The following SDC4 variants were observed in gnomAD, a reference collection of about 807,000 sequenced individuals.
SDC4 encodes syndecan-4.
A neutral mutation model predicts 20.5 loss-of-function variants in SDC4; 17 were observed. That is an observed-to-expected ratio of 0.83 (90% CI 0.57 to 1.25). The LOEUF is 1.25. Among genes scored for constraint, SDC4 ranks in the 50% most tolerant of loss-of-function variants. SDC4 has a pLI of 0.00. For missense variants in SDC4, 241 were observed against 252.3 expected (o/e 0.96, Z 0.30); for synonymous variants, 107 against 105.3 (o/e 1.02, Z -0.10).
At chr20:45,342,379 C>T (rs1256884941) in intron 1 of SDC4, among the ~76,000 whole-genome samples, 2 of 152,228 alleles carry the variant, frequency 1.3e-5, no homozygotes, top group Admixed American at 1.3e-4. Context: ...CAGCCATGTG[C>T]CACATCTGCC....
Position 45,327,254 on chromosome 20 carries a change from C to T in SDC4, c.*10G>A. 1 of 1,614,064 alleles carries T rather than the reference C, an allele frequency of 6.2e-7. No individual in the cohort carries two copies. The highest frequency in any genetic ancestry group is 2.2e-5 in the East Asian group (1 of 44,868). ...CCGCTAAAGTCCAAGCCAGTGCCCA[C>T]AAGCAAGCTTCACGCGTAGAACTCA... On this transcript the variant is annotated 3_prime_UTR_variant, in exon 5 of 5. Transcript: ENST00000372733.
At chr20:45,335,651 AGAAG>A in intron 2 of SDC4, 127 bp downstream of exon 2, 1 of 924,362 alleles carries the variant, frequency 1.1e-6, no homozygotes, top group South Asian at 1.6e-5. Flanking sequence ...CCTTTTTTTG[AGAAG>A]GAAGAAGGGC....
chr20:45,329,114 AC>A (rs1222370005), intron 4 of SDC4, among the ~76,000 whole-genome samples: 1 of 152,224 alleles, frequency 6.6e-6, no homozygotes, highest in Admixed American at 6.5e-5. Context: ...CATACAGCAT[AC>A]AGCAAGCATT....
intron 1 of SDC4, among the ~76,000 whole-genome samples, chr20:45,343,554 T>C (rs1987986040): frequency 6.6e-6 from 1 of 152,232 alleles, no homozygotes; most frequent in Non-Finnish European, 1.5e-5. Context: ...GAACTGGTTC[T>C]TGTTTAAACA....
chr20:45,337,719 G>A (rs1174566780), intron 1 of SDC4, among the ~76,000 whole-genome samples: 1 of 152,220 alleles, frequency 6.6e-6, no homozygotes, highest in East Asian at 1.9e-4. Flanking sequence ...TCTGGGGAGA[G>A]GCAGGTGGAA....
intron 1 of SDC4, among the ~76,000 whole-genome samples, chr20:45,347,426 G>A (rs930021956): frequency 2.0e-5 from 3 of 152,046 alleles, no homozygotes; most frequent in Admixed American, 6.6e-5. Flanking sequence ...AGCCGGCTGC[G>A]GGCATGGATA....
chr20:45,346,881 T>TA (rs1256050438), intron 1 of SDC4, among the ~76,000 whole-genome samples: 1 of 152,134 alleles, frequency 6.6e-6, no homozygotes, highest in African/African-American at 2.4e-5. Flanking sequence ...GCACAAAGAG[T>TA]AGAAGTTAAG....
chr20:45,328,905 C>T (rs1030061402), intron 4 of SDC4, among the ~76,000 whole-genome samples: 10 of 152,314 alleles, frequency 6.6e-5, no homozygotes, highest in African/African-American at 2.4e-4. Flanking sequence ...TCACCTTTCC[C>T]TCTGATGACC....
intron 1 of SDC4, among the ~76,000 whole-genome samples, chr20:45,340,383 A>C (rs567400269): frequency 2.8e-4 from 43 of 152,352 alleles, no homozygotes; most frequent in Admixed American, 8.5e-4. Flanking sequence ...AACGTCATGC[A>C]ACTAGAAAGC....
At chr20:45,338,839 G>A (rs1005848634) in intron 1 of SDC4, among the ~76,000 whole-genome samples, 1 of 152,144 alleles carries the variant, frequency 6.6e-6, no homozygotes. Context: ...TCCGCGGCAC[G>A]GCCTGGATTC....
chr20:45,330,592 C>G, intron 3 of SDC4, 28 bp from the exon 4 acceptor site: 1 of 1,603,358 alleles, frequency 6.2e-7, no homozygotes, highest in Non-Finnish European at 8.5e-7. Context: ...AGAAGAGACA[C>G]TCAGCGTATT....
chr20:45,348,229 C>A, intron 1 of SDC4, 96 bp downstream of exon 1: 1 of 989,854 alleles, frequency 1.0e-6, no homozygotes, highest in South Asian at 1.4e-5. Context: ...AGCGTACCCC[C>A]GATCTGCCCC....
At chr20:45,328,487 T>C (rs538793600) in intron 4 of SDC4, among the ~76,000 whole-genome samples, 38 of 152,290 alleles carry the variant, frequency 2.5e-4, no homozygotes, top group African/African-American at 9.1e-4. Flanking sequence ...CTGAATCAGG[T>C]GTGCACAACA....
chr20:45,331,264 C>G lies in SDC4; in HGVS notation c.247-700G>C, dbSNP rs541686810. ...TTATGAATGGCCCTCACCATACTGG[C>G]CCTTTCTGACTGAACCCCTCTCTAC... On this transcript the variant is annotated intron_variant, in intron 3 of 4. Transcript: ENST00000372733. Among the ~76,000 whole-genome samples, 6 of 152,248 alleles carry G rather than the reference C, an allele frequency of 3.9e-5. No individual in the cohort carries two copies. The South Asian group carries it at 1.2e-3, about 32-fold the overall frequency.
At chr20:45,346,625 G>A (rs1052448530) in intron 1 of SDC4, among the ~76,000 whole-genome samples, 28 of 152,094 alleles carry the variant, frequency 1.8e-4, no homozygotes, top group Non-Finnish European at 5.9e-5. Context: ...GTATCCCTTC[G>A]GATGCTTCCC....
At chr20:45,346,936 A>T (rs923103436) in intron 1 of SDC4, among the ~76,000 whole-genome samples, 5 of 152,018 alleles carry the variant, frequency 3.3e-5, no homozygotes, top group Non-Finnish European at 5.9e-5. Flanking sequence ...TTTCAATCTG[A>T]CTCACCCATT....
In SDC4 at chr20:45,326,985, C is replaced by T. The variant is rs920327041; in HGVS notation, c.*279G>A. On this transcript the variant is annotated 3_prime_UTR_variant, in exon 5 of 5. Transcript: ENST00000372733. ...ATGGGCTTGAGGGCGGACCTAGATT[C>T]TTAACTGGAAGTTTAAGAAGTGATC... 5 of 355,362 alleles carry T rather than the reference C, an allele frequency of 1.4e-5. No individual in the cohort carries two copies. Among genetic ancestry groups the T allele is most frequent in the African/African-American group, 1.0e-4 (5 of 48,972 alleles). The allele number at this position is 355,362 out of a possible 1,614,324, so 22.0% of individuals were successfully genotyped here.
At chr20:45,331,089 C>T (rs985151866) in intron 3 of SDC4, among the ~76,000 whole-genome samples, 1 of 152,200 alleles carries the variant, frequency 6.6e-6, no homozygotes, top group Non-Finnish European at 1.5e-5. Context: ...AGAACCCTCT[C>T]CCTTGGGGTC....
In SDC4 at chr20:45,327,074, C is replaced by T. The variant is rs1987702523; in HGVS notation, c.*190G>A. 4 of 570,092 alleles carry T rather than the reference C, an allele frequency of 7.0e-6. No individual in the cohort carries two copies. The African/African-American group carries it at 7.5e-5, about 11-fold the overall frequency. The allele number at this position is 570,092 out of a possible 1,614,324, so 35.3% of individuals were successfully genotyped here. A position where few individuals can be genotyped will look rare whatever the true frequency, so the allele number is the denominator to read the frequency against. On this transcript the variant is annotated 3_prime_UTR_variant, in exon 5 of 5. Transcript: ENST00000372733. ...CATTTTTCTGCCAGGGCAACTGAGG[C>T]CCAAAGCTCAAGAAGAACCTGGCAG...
Sources: gnomAD v4.1 joint callset for allele counts (sites outside exome capture counted in the v4.1 genomes callset) on GRCh38, gnomAD v4.1.1 for gene constraint, MANE v1.5 for transcripts, NCBI Gene and HGNC (gene_info 2026-07-23, HGNC 2026-07-21) for gene names.